The following FASN variants were observed in gnomAD, a reference collection of about 807,000 sequenced individuals.
FASN encodes 3-hydroxyacyl-[acyl-carrier-protein] dehydratase.
A neutral mutation model predicts 250.0 loss-of-function variants in FASN; 50 were observed. That is an observed-to-expected ratio of 0.20 (90% CI 0.16 to 0.25). The LOEUF is 0.25. FASN is among the 10% of genes least tolerant of loss of function. The probability of loss-of-function intolerance (pLI) is 1.00; values close to 1 mark genes in which losing one functional copy is unlikely to be tolerated. For missense variants in FASN, 3,031 were observed against 3,498.5 expected (o/e 0.87, Z 3.37); for synonymous variants, 1,909 against 1,584.0 (o/e 1.21, Z -4.87).
chr17:82,088,914 A>C, intron 14 of FASN, 38 bp from the exon 15 acceptor site: 1 of 1,610,506 alleles, frequency 6.2e-7, no homozygotes, highest in South Asian at 1.1e-5. Flanking sequence ...CTTGGTGCTC[A>C]GCTGAGGCGC....
At chr17:82,081,497 T>C in intron 37 of FASN, 104 bp downstream of exon 37, 1 of 1,591,596 alleles carries the variant, frequency 6.3e-7, no homozygotes, top group African/African-American at 1.3e-5. Context: ...ACCCTGGCTC[T>C]GCAGATGGGG....
Position 82,079,156 on chromosome 17 carries a change from A to T in FASN, c.7523T>A (p.Val2508Glu). Residue 2508 changes from valine (V) to glutamate (E), a missense_variant, in exon 43 of 43, where the codon GTG becomes GAG. Physicochemically the swap from Val to Glu is moderately radical, Grantham distance 121 (BLOSUM62 -2). Transcript: ENST00000306749. The part of the protein sequence containing the change: ...HSSLAEPRVS[V>E]REG ...GGGGGCACGGGCCTAGCCCTCCCGC[A>T]CGCTCACGCGTGGCTCAGCCAGGGA... 6.2e-7 allele frequency: 1 copy of T among 1,612,144 alleles called. No individual in the cohort carries two copies. Among genetic ancestry groups the T allele is most frequent in the Non-Finnish European group, 8.5e-7 (1 of 1,179,900 alleles).
In FASN at chr17:82,081,704, C is replaced by G. The variant is rs532083673; in HGVS notation, c.6303G>C (p.Gln2101His). 12 of 1,612,782 alleles carry G rather than the reference C, an allele frequency of 7.4e-6. No individual in the cohort carries two copies. In the South Asian group the frequency reaches 1.2e-4, roughly 16 times the overall value. Residue 2101 changes from glutamine (Q) to histidine (H), a missense_variant, in exon 37 of 43, where the codon CAG becomes CAC. By Grantham distance (24) the Gln-to-His change is conservative. Transcript: ENST00000306749. ...CLEVLDLFLNQPHMVLSSFVL... is the reference protein window; with the variant it reads ...CLEVLDLFLNHPHMVLSSFVL... The stretch of plus-strand genomic sequence containing the variant: ...CAAAGCTGCTCAGGACCATGTGGGG[C>G]TGGTTCAGGAAGAGGTCCAGCACCT...
At chr17:82,096,611 T>C (rs1236114236) in intron 1 of FASN, among the ~76,000 whole-genome samples, 159 bp from the exon 2 acceptor site, 1 of 152,162 alleles carries the variant, frequency 6.6e-6, no homozygotes, top group Non-Finnish European at 1.5e-5. Flanking sequence ...ATGTGGCCAG[T>C]TCCTGGGCCC....
At position 82,088,252 on chromosome 17, in the gene FASN, G is replaced by C; in HGVS notation, c.2649C>G (p.Arg883=). The C allele has an allele frequency of 6.2e-7, 1 of 1,607,198 alleles. No individual in the cohort carries two copies. Among genetic ancestry groups the C allele is most frequent in the East Asian group, 2.2e-5 (1 of 44,878 alleles). The change falls in exon 17 of 43, where the codon CGC becomes CGG. Residue 883 remains arginine (R), a synonymous_variant. Transcript: ENST00000306749. ...GGTAGCCAGTGGCGGGGAAGAGGACGCGACCGTCGAGGGTGTGGTCCACCA... is the reference window on the plus strand; with the variant it reads ...GGTAGCCAGTGGCGGGGAAGAGGACCCGACCGTCGAGGGTGTGGTCCACCA... ...HYLVDHTLDG[R]VLFPATGYLS...
At chr17:82,093,053 G>A in intron 5 of FASN, 34 bp from the exon 6 acceptor site, 1 of 1,608,012 alleles carries the variant, frequency 6.2e-7, no homozygotes, top group Non-Finnish European at 8.5e-7. Flanking sequence ...CCGGGGCTCA[G>A]CCCCACGCCG....
In FASN at chr17:82,091,250, G is replaced by T; in HGVS notation, c.1464C>A (p.Gly488=). ...GGPEVQQVPA[G]ERPLWFICSG... is the part of the protein sequence containing the mutation. ...AGCAGATGAACCAGAGCGGGCGCTC[G>T]CCAGCGGGCACCTGCTGCACCTCTG... Residue 488 remains glycine (G), a synonymous_variant, in exon 9 of 43, where the codon GGC becomes GGA. Transcript: ENST00000306749. 1.9e-6 allele frequency: 3 copies of T among 1,600,586 alleles called. No individual in the cohort carries two copies. Among genetic ancestry groups the T allele is most frequent in the African/African-American group, 1.3e-5 (1 of 74,890 alleles).
rs1568118846 is a variant in FASN at position 82,095,396 on chromosome 17, G to A, written c.204C>T (p.His68=). The change falls in exon 3 of 43, where the codon CAC becomes CAT. Residue 68 remains histidine, a synonymous_variant. Coordinates refer to ENST00000306749, the MANE Select transcript of FASN (RefSeq NM_004104.5). ...SRFDASFFGV[H]PKQAHTMDPQ... The stretch of plus-strand genomic sequence containing the variant: ...GGTCCATCGTGTGTGCCTGCTTGGG[G>A]TGGACTCCGAAGAAGGAGGCATCAA... 6.2e-7 allele frequency: 1 copy of A among 1,612,978 alleles called. No individual in the cohort carries two copies. The highest frequency in any genetic ancestry group is 1.7e-5 in the Admixed American group (1 of 60,030).
At position 82,085,827 on chromosome 17, in the gene FASN, C is replaced by T. The variant is rs2034088723; in HGVS notation, c.3777G>A (p.Leu1259=). The change falls in exon 23 of 43, where the codon CTG becomes CTA. Residue 1259 remains leucine (L), a synonymous_variant. Coordinates refer to ENST00000306749, the MANE Select transcript of FASN (RefSeq NM_004104.5). ...GCTGCAGCAGGGGATGGGGGCTGAGCAGGCCTGGGATGCGGGAATACAGGT... is the reference window on the plus strand; with the variant it reads ...GCTGCAGCAGGGGATGGGGGCTGAGTAGGCCTGGGATGCGGGAATACAGGT... ...HGHLYSRIPG[L]LSPHPLLQLS... 4 of 1,556,864 alleles carry T rather than the reference C, an allele frequency of 2.6e-6. No homozygotes were observed. The highest frequency in any genetic ancestry group is 3.5e-6 in the Non-Finnish European group (4 of 1,155,466).
chr17:82,089,028 G>C lies in FASN; in HGVS notation c.2245C>G (p.Leu749Val). ...ACCGCGTGCTCAGGCACGTGCCACA[G>C]GGCCTCCTGGAACAGCACAGGGCTC... ...LVSPVLFQEA[L>V]WHVPEHAVVL... Residue 749 changes from leucine (L) to valine (V), a missense_variant, in exon 14 of 43, where the codon CTG becomes GTG. Physicochemically the swap from Leu to Val is conservative, Grantham distance 32 (BLOSUM62 1). Coordinates refer to ENST00000306749, the MANE Select transcript of FASN (RefSeq NM_004104.5). 1.2e-6 allele frequency: 2 copies of C among 1,607,446 alleles called. No homozygotes were observed. Among genetic ancestry groups the C allele is most frequent in the South Asian group, 1.1e-5 (1 of 90,162 alleles).
chr17:82,094,553 A>G (rs1248559317), intron 3 of FASN, among the ~76,000 whole-genome samples: 1 of 151,886 alleles, frequency 6.6e-6, no homozygotes, highest in Non-Finnish European at 1.5e-5. Flanking sequence ...CACTTTGGGA[A>G]GCTGAGATGG....
At chr17:82,096,116 T>A (rs1390252838) in intron 2 of FASN, among the ~76,000 whole-genome samples, 1 of 152,202 alleles carries the variant, frequency 6.6e-6, no homozygotes, top group Non-Finnish European at 1.5e-5. Flanking sequence ...CTGGGCGCAT[T>A]TTCTAGGCCA....
rs757157157 is a variant in FASN at position 82,081,988 on chromosome 17, AGGGGAGAGGGTGG to A, written c.6163+8_6163+20del. On this transcript the variant is annotated splice_region_variant and intron_variant, in intron 36 of 42. Transcript: ENST00000306749. ...GGAGAGGGCAGGGTGGGCAGGGTCG[AGGGGAGAGGGTGG>A]GGCCCACCTGGGAGGCCTTCGTGCC... is the stretch of plus-strand genomic sequence containing the variant. 1 of 1,409,824 alleles carries A rather than the reference AGGGGAGAGGGTGG, an allele frequency of 7.1e-7. No individual in the cohort carries two copies. Among genetic ancestry groups the A allele is most frequent in the Non-Finnish European group, 9.3e-7 (1 of 1,072,414 alleles). The allele number at this position is 1,409,824 out of a possible 1,614,324, so 87.3% of individuals were successfully genotyped here.
Position 82,083,993 on chromosome 17 carries a change from G to T in FASN, c.5080C>A (p.Arg1694Ser). The change falls in exon 29 of 43, where the codon CGC (arginine) becomes AGC (serine). Residue 1694 changes from arginine (R) to serine (S), a missense_variant. Transcript: ENST00000306749. ...AIAIALSLGC[R>S]VFTTVGSAEK... ...GCCTTACCCACGGTGGTGAAGACGC[G>T]GCAGCCCAGACTGAGGGCGATGGCG... is the stretch of plus-strand genomic sequence containing the variant. 1 of 1,539,400 alleles carries T rather than the reference G, an allele frequency of 6.5e-7. No homozygotes were observed. Among genetic ancestry groups the T allele is most frequent in the Non-Finnish European group, 8.7e-7 (1 of 1,145,550 alleles).
chr17:82,091,682 C>A lies in FASN; in HGVS notation c.1032G>T (p.Val344=). 1 of 1,576,328 alleles carries A rather than the reference C, an allele frequency of 6.3e-7. No individual in the cohort carries two copies. The highest frequency in any genetic ancestry group is 1.2e-5 in the South Asian group (1 of 86,218). Residue 344 remains valine, a splice_region_variant and synonymous_variant, in exon 9 of 43, where the codon GTG becomes GTT. Transcript: ENST00000306749. ...AGAGCCCGTGCTCCAGGGACAGCAG[C>A]ACCTGCGGGGGTACGTGGTGGATGG... ...PASGLAALAK[V]LLSLEHGLWA...
rs2033931530 is a variant in FASN at position 82,078,578 on chromosome 17, G to A, written c.*565C>T. The A allele has an allele frequency of 6.1e-6, 1 of 164,794 alleles. No individual in the cohort carries two copies. The highest frequency in any genetic ancestry group is 1.8e-4 in the East Asian group (1 of 5,606). The allele number at this position is 164,794 out of a possible 1,614,324, so 10.2% of individuals were successfully genotyped here. On this transcript the variant is annotated 3_prime_UTR_variant, in exon 43 of 43. Coordinates refer to ENST00000306749, the MANE Select transcript of FASN (RefSeq NM_004104.5). The surrounding 1 kb of genome is among the most constrained non-coding windows in gnomAD (Gnocchi z 5.4). ...GTGGCTGTGCGGGGGGCCGCTGGGT[G>A]TGGCCGGGCCCTGTGTGCCTGTGCA...
chr17:82,088,404 G>T lies in FASN; in HGVS notation c.2579C>A (p.Ala860Asp), dbSNP rs115137098. 1 of 1,612,290 alleles carries T rather than the reference G, an allele frequency of 6.2e-7. No individual in the cohort carries two copies. The highest frequency in any genetic ancestry group is 8.5e-7 in the Non-Finnish European group (1 of 1,179,692). The change falls in exon 16 of 43, where the codon GCC (alanine) becomes GAC (aspartate). Residue 860 changes from alanine to aspartate, a missense_variant. Physicochemically the swap from Ala to Asp is moderately radical, Grantham distance 126 (BLOSUM62 -2). Coordinates refer to ENST00000306749, the MANE Select transcript of FASN (RefSeq NM_004104.5). ...FPNGSGSPSA[A>D]IYNIDTSSES... ...CCCCTGCTCACCGATGTTGTAGATGGCGGCTGAGGGGGAACCTGAACCGTT... is the reference window on the plus strand; with the variant it reads ...CCCCTGCTCACCGATGTTGTAGATGTCGGCTGAGGGGGAACCTGAACCGTT...
rs771195660 is a variant in FASN, at chr17:82,090,422, T to C, written c.1823A>G (p.Gln608Arg). Reference protein sequence around the residue: ...EAVLAAYWRGQCIKEAHLPPG... With the variant: ...EAVLAAYWRGRCIKEAHLPPG... ...CGGGAGATGGGCTTCTTTGATGCAC[T>C]GTCCCCTCCAGTAGGCAGCGAGGAC... Residue 608 changes from glutamine (Q) to arginine (R), a missense_variant, in exon 11 of 43, where the codon CAG (glutamine) becomes CGG (arginine). By Grantham distance (43) the Gln-to-Arg change is conservative (BLOSUM62 1). Transcript: ENST00000306749. 2 of 1,602,054 alleles carry C rather than the reference T, an allele frequency of 1.2e-6. No homozygotes were observed. The highest frequency in any genetic ancestry group is 1.7e-6 in the Non-Finnish European group (2 of 1,175,478).
At chr17:82,084,475 C>T (rs370029260) in intron 27 of FASN, 38 bp downstream of exon 27, 102 of 1,589,408 alleles carry the variant, frequency 6.4e-5, no homozygotes, top group Non-Finnish European at 8.1e-5. Flanking sequence ...CTCTGCTCCC[C>T]GGCCCAGTCC....
Sources: gnomAD v4.1 joint callset for allele counts (sites outside exome capture counted in the v4.1 genomes callset) on GRCh38, gnomAD v4.1.1 for gene constraint, Gnocchi (gnomAD v3.1) non-coding constraint, MANE v1.5 for transcripts, NCBI Gene and HGNC (gene_info 2026-07-23, HGNC 2026-07-21) for gene names.